Variants in NBEAL1 observed in about 807,000 individuals in gnomAD.
NBEAL1 encodes the protein neurobeachin-like protein 1.
Under a neutral mutation model 351.3 loss-of-function variants are expected in NBEAL1, and 273 were observed. That is an observed-to-expected ratio of 0.78 (90% CI 0.70 to 0.86). NBEAL1 has a LOEUF of 0.86. Ranked by LOEUF, NBEAL1 falls within the 40% of genes least tolerant of loss-of-function variation. NBEAL1 has a pLI of 0.00. For missense variants in NBEAL1, 2,961 were observed against 3,201.3 expected, an observed-to-expected ratio of 0.92 and a Z score of 1.81; for synonymous variants, 1,050 against 1,086.4, an observed-to-expected ratio of 0.97 and a Z score of 0.66.
intron 12 of NBEAL1, among the ~76,000 whole-genome samples, chr2:203,102,014 A>G (rs1314149621): frequency 1.3e-5 from 2 of 152,158 alleles, no homozygotes; most frequent in African/African-American, 2.4e-5. Context: ...CTTGTTGTAG[A>G]GATCTTTCAC....
At position 203,034,515 on chromosome 2, in the gene NBEAL1, A is replaced by G. The variant is rs181694786; in HGVS notation, c.52-7250A>G. Reference sequence around the variant, plus strand: ...CTCTTGTTGCCCAGGCTGGAGTGCAATGGCACAATCTCGGCTCACTGAAAC... The same window carrying G: ...CTCTTGTTGCCCAGGCTGGAGTGCAGTGGCACAATCTCGGCTCACTGAAAC... On this transcript the variant is annotated intron_variant, in intron 2 of 55. Transcript: ENST00000683969. Among the ~76,000 whole-genome samples, 60 of 140,050 alleles carry G rather than the reference A, an allele frequency of 4.3e-4. 1 individual carries two copies. The highest frequency in any genetic ancestry group is 1.3e-3 in the Admixed American group (18 of 13,722). 91.9% of individuals were successfully genotyped at this position (140,050 alleles called of 152,430 possible). A position where few individuals can be genotyped will look rare whatever the true frequency, so the allele number is the denominator to read the frequency against.
intron 42 of NBEAL1, 95 bp downstream of exon 42, chr2:203,175,382 A>C: frequency 8.2e-7 from 1 of 1,226,870 alleles, no homozygotes; most frequent in Non-Finnish European, 1.1e-6. Context: ...TGTCTTTTTT[A>C]TTCTCCTGTA....
Position 203,040,158 on chromosome 2 carries a change from GA to G in NBEAL1, c.52-1602del, listed in dbSNP as rs1036834095. On this transcript the variant is annotated intron_variant, in intron 2 of 55. Coordinates refer to ENST00000683969, the MANE Select transcript of NBEAL1 (RefSeq NM_001378026.1). ...TCCATTTGGTTCCAGAAAATCTCCT[GA>G]AAAAGAGGAAGGCTTATCAAGCCCT... The G allele has an allele frequency of 2.0e-5, 30 of 1,502,620 alleles. No homozygotes were observed. The African/African-American group carries it at 3.6e-4, about 18-fold the overall frequency. 93.1% of individuals were successfully genotyped at this position (1,502,620 alleles called of 1,614,324 possible). A position where few individuals can be genotyped will look rare whatever the true frequency, so the allele number is the denominator to read the frequency against.
intron 38 of NBEAL1, among the ~76,000 whole-genome samples, chr2:203,167,759 A>C (rs1360892037): frequency 2.0e-5 from 3 of 152,222 alleles, no homozygotes; most frequent in Non-Finnish European, 4.4e-5. Flanking sequence ...CTCTAAAGCC[A>C]CATTACCAGG....
chr2:203,150,298 A>G (rs917785958), intron 34 of NBEAL1, among the ~76,000 whole-genome samples: 8 of 152,084 alleles, frequency 5.3e-5, no homozygotes, highest in African/African-American at 1.9e-4. Flanking sequence ...TCCATTTCCT[A>G]ATGATTAATG....
chr2:203,127,633 A>G, intron 23 of NBEAL1, 148 bp from the exon 24 acceptor site: 1 of 413,852 alleles, frequency 2.4e-6, no homozygotes. Flanking sequence ...GAGGCAGGAG[A>G]ATCGCTTGAA....
chr2:203,175,946 CAG>C (rs2064485737), intron 42 of NBEAL1, among the ~76,000 whole-genome samples: 1 of 152,236 alleles, frequency 6.6e-6, no homozygotes, highest in East Asian at 1.9e-4. Context: ...TTATCTCTCA[CAG>C]TTAACCTGGG....
At chr2:203,213,706 G>A in intron 55 of NBEAL1, 53 bp downstream of exon 55, 1 of 1,605,822 alleles carries the variant, frequency 6.2e-7, no homozygotes, top group Non-Finnish European at 8.5e-7. Flanking sequence ...GATTACTTTG[G>A]TTCTCCTTCA....
intron 12 of NBEAL1, among the ~76,000 whole-genome samples, chr2:203,100,896 G>A (rs887988100): frequency 1.3e-5 from 2 of 152,026 alleles, no homozygotes; most frequent in Non-Finnish European, 2.9e-5. Flanking sequence ...GCACTTTTTA[G>A]TCGGGTTATT....
intron 6 of NBEAL1, among the ~76,000 whole-genome samples, chr2:203,067,838 C>T (rs1240310432): frequency 6.6e-6 from 1 of 152,154 alleles, no homozygotes; most frequent in Non-Finnish European, 1.5e-5. Flanking sequence ...GTTAAAAGCA[C>T]ATGCAATTTG....
intron 50 of NBEAL1, 152 bp from the exon 51 acceptor site, chr2:203,202,535 C>G (rs1355305240): frequency 1.3e-5 from 8 of 595,794 alleles, no homozygotes; most frequent in Non-Finnish European, 2.4e-5. Context: ...TCCTGTGTCT[C>G]TCTTCCCCAA....
chr2:203,074,494 A>AT (rs1385363413), intron 7 of NBEAL1, among the ~76,000 whole-genome samples: 1 of 151,456 alleles, frequency 6.6e-6, no homozygotes, highest in Admixed American at 6.6e-5. Context: ...TACCCAGCTA[A>AT]TTTTTGTATT....
At position 203,219,873 on chromosome 2, in the gene NBEAL1, A is replaced by AT. The variant is rs1199079797; in HGVS notation, c.*2519_*2520insT. On this transcript the variant is annotated 3_prime_UTR_variant, in exon 56 of 56. Coordinates refer to ENST00000683969, the MANE Select transcript of NBEAL1 (RefSeq NM_001378026.1). ...ACTTTGTCTCAAAGAAAAGAAAAAA[A>AT]ATATGGAATTTAGAGAAAAATCTTT... 6.6e-6 allele frequency: 1 copy of AT among 151,550 alleles called. No individual in the cohort carries two copies. Among genetic ancestry groups the AT allele is most frequent in the East Asian group, 1.9e-4 (1 of 5,168 alleles). The allele number at this position is 151,550 out of a possible 1,614,324, so 9.4% of individuals were successfully genotyped here. A position where few individuals can be genotyped will look rare whatever the true frequency, so the allele number is the denominator to read the frequency against.
intron 7 of NBEAL1, among the ~76,000 whole-genome samples, chr2:203,076,589 CTTT>C (rs369481909): frequency 3.0e-4 from 33 of 109,216 alleles, no homozygotes; most frequent in African/African-American, 1.0e-3. Context: ...GTACTATGTA[CTTT>C]TTTTTTTTTT....
chr2:203,169,849 C>T lies in NBEAL1; in HGVS notation c.6100C>T (p.Gln2034Ter). The T allele has an allele frequency of 1.3e-6, 2 of 1,570,962 alleles. No homozygotes were observed. Among genetic ancestry groups the T allele is most frequent in the Non-Finnish European group, 1.7e-6 (2 of 1,148,386 alleles). Residue 2034 changes from glutamine (Q) to a stop codon, truncating the protein, a stop_gained and splice_region_variant, in exon 39 of 56, where the codon CAG (glutamine) becomes TAG (stop). Coordinates refer to ENST00000683969, the MANE Select transcript of NBEAL1 (RefSeq NM_001378026.1). LOFTEE classifies it high-confidence loss of function. ...GTTATTCAAAGCATCAGGATTGACACAGGTAGGAAATTGTAATAGTCTCTA... is the reference window on the plus strand; with the variant it reads ...GTTATTCAAAGCATCAGGATTGACATAGGTAGGAAATTGTAATAGTCTCTA... The part of the protein sequence containing the change: ...QELFKASGLT[Q>*]KWVNREISNF...
At chr2:203,077,980 CTTTT>C (rs2061807538) in intron 8 of NBEAL1, 143 bp downstream of exon 8, 1 of 415,230 alleles carries the variant, frequency 2.4e-6, no homozygotes, top group South Asian at 1.2e-4. Context: ...TAATCTACTT[CTTTT>C]ATTTTCCAAA....
At position 203,223,740 on chromosome 2, in the gene NBEAL1, G is replaced by T. The variant is rs1000831859; in HGVS notation, c.*6386G>T. Reference sequence around the variant, plus strand: ...TAGTCAACATTAAAATGCTATTTTGGGTTGTCTTCTTTTGGTAACATATTC... The same window carrying T: ...TAGTCAACATTAAAATGCTATTTTGTGTTGTCTTCTTTTGGTAACATATTC... On this transcript the variant is annotated 3_prime_UTR_variant, in exon 56 of 56. Coordinates refer to ENST00000683969, the MANE Select transcript of NBEAL1 (RefSeq NM_001378026.1). Among the ~76,000 whole-genome samples the T allele has an allele frequency of 1.3e-5, 2 of 151,872 alleles. No individual in the cohort carries two copies. The highest frequency in any genetic ancestry group is 6.6e-5 in the Admixed American group (1 of 15,240).
chr2:203,133,827 T>A (rs1300383176), intron 27 of NBEAL1, among the ~76,000 whole-genome samples: 1 of 151,248 alleles, frequency 6.6e-6, no homozygotes, highest in Non-Finnish European at 1.5e-5. Context: ...AAAAGAAAAA[T>A]ATATATATTT....
intron 31 of NBEAL1, among the ~76,000 whole-genome samples, chr2:203,140,172 G>A (rs1269248987): frequency 1.3e-5 from 2 of 151,746 alleles, no homozygotes; most frequent in African/African-American, 2.4e-5. Flanking sequence ...GCGTGCTGGC[G>A]CATGCCTGTA....
Sources: gnomAD v4.1 joint callset for allele counts (sites outside exome capture counted in the v4.1 genomes callset) on GRCh38, gnomAD v4.1.1 for gene constraint, MANE v1.5 for transcripts, NCBI Gene and HGNC (gene_info 2026-07-23, HGNC 2026-07-21) for gene names.